The following SLC10A7 variants were observed in gnomAD, a reference collection of about 807,000 sequenced individuals.
SLC10A7 encodes solute carrier family 10 member 7.
A neutral mutation model predicts 43.2 loss-of-function variants in SLC10A7; 29 were observed. The observed-to-expected ratio is 0.67, with a 90% confidence interval of 0.50 to 0.92. The LOEUF is 0.92. SLC10A7 is among the 40% of genes least tolerant of loss of function. The pLI, the probability that SLC10A7 is intolerant of heterozygous loss-of-function variation, is 0.00. For synonymous variants in SLC10A7, 152 were observed against 144.8 expected, an observed-to-expected ratio of 1.05 and a Z score of -0.35; for missense variants, 295 against 403.2, an observed-to-expected ratio of 0.73 and a Z score of 2.30.
intron 1 of SLC10A7, 119 bp from the exon 2 acceptor site, chr4:146,517,239 G>A (rs751140151): frequency 1.6e-4 from 105 of 646,696 alleles, no homozygotes; most frequent in Non-Finnish European, 2.4e-4. Context: ...GAGGCGAGTA[G>A]AGCACTTGAG....
At chr4:146,303,389 T>A (rs1731292178) in intron 7 of SLC10A7, among the ~76,000 whole-genome samples, 1 of 151,382 alleles carries the variant, frequency 6.6e-6, no homozygotes, top group Non-Finnish European at 1.5e-5. Context: ...TTTTTTTTTT[T>A]TTGAGACATA....
At chr4:146,275,629 T>C (rs1471707360) in intron 10 of SLC10A7, among the ~76,000 whole-genome samples, 1 of 152,134 alleles carries the variant, frequency 6.6e-6, no homozygotes, top group Non-Finnish European at 1.5e-5. Context: ...ATGTATAAGT[T>C]CTGGATTCTT....
At chr4:146,355,927 AT>A (rs965597663) in intron 5 of SLC10A7, among the ~76,000 whole-genome samples, 1 of 150,358 alleles carries the variant, frequency 6.7e-6, no homozygotes, top group African/African-American at 2.4e-5. Flanking sequence ...ACTGGGAGAC[AT>A]ACCTAATGCT....
chr4:146,388,998 C>T (rs1055398348), intron 5 of SLC10A7, among the ~76,000 whole-genome samples: 1 of 152,094 alleles, frequency 6.6e-6, no homozygotes, highest in African/African-American at 2.4e-5. Context: ...AGCCAACAAA[C>T]GGTTACTATT....
chr4:146,270,725 T>C (rs894539461), intron 10 of SLC10A7, among the ~76,000 whole-genome samples: 2 of 152,208 alleles, frequency 1.3e-5, no homozygotes, highest in Non-Finnish European at 2.9e-5. Context: ...CTGCTATCTA[T>C]GTGAACTGGG....
In SLC10A7 at chr4:146,370,772, C is replaced by T. The variant is rs369212234; in HGVS notation, c.436-44776G>A. 2.3e-4 allele frequency among the ~76,000 whole-genome samples: 35 copies of T among 152,078 alleles called. No homozygotes were observed. The South Asian group carries it at 2.9e-3, about 13-fold the overall frequency. On this transcript the variant is annotated intron_variant, in intron 5 of 11. Coordinates refer to ENST00000335472, the MANE Select transcript of SLC10A7 (RefSeq NM_001029998.6). ...TCTTTGTCTCTCTTATTTACGTTTC[C>T]GAAATGTCTACTCCAAAAAGAGAAA... is the stretch of plus-strand genomic sequence containing the variant.
chr4:146,338,031 A>C (rs1734008228), intron 5 of SLC10A7, among the ~76,000 whole-genome samples: 1 of 152,014 alleles, frequency 6.6e-6, no homozygotes, highest in African/African-American at 2.4e-5. Context: ...GGTTTAAAAG[A>C]TTTAATGTGT....
intron 10 of SLC10A7, among the ~76,000 whole-genome samples, chr4:146,273,268 G>A (rs1729002749): frequency 6.6e-6 from 1 of 152,094 alleles, no homozygotes; most frequent in African/African-American, 2.4e-5. Context: ...ACACATGCAA[G>A]CACTTGGCCC....
At chr4:146,494,264 A>C (rs977827536) in intron 4 of SLC10A7, among the ~76,000 whole-genome samples, 7 of 152,222 alleles carry the variant, frequency 4.6e-5, no homozygotes, top group African/African-American at 1.7e-4. Context: ...TAACGGTAAA[A>C]GCAGGAATTA....
chr4:146,256,331 T>C lies in SLC10A7; in HGVS notation c.*160A>G, dbSNP rs1055991084. ...AAAGCATATTTTGGAAATAACGCTC[T>C]TGTCAAATACATTTTAAGGCACTTA... On this transcript the variant is annotated 3_prime_UTR_variant, in exon 12 of 12. Coordinates refer to ENST00000335472, the MANE Select transcript of SLC10A7 (RefSeq NM_001029998.6). The C allele has an allele frequency of 3.0e-6, 2 of 665,016 alleles. No homozygotes were observed. Among genetic ancestry groups the C allele is most frequent in the Non-Finnish European group, 5.2e-6 (2 of 387,992 alleles). The allele number at this position is 665,016 out of a possible 1,614,324, so 41.2% of individuals were successfully genotyped here.
intron 5 of SLC10A7, among the ~76,000 whole-genome samples, chr4:146,431,211 A>C (rs369462705): frequency 1.3e-4 from 20 of 152,264 alleles, no homozygotes; most frequent in Admixed American, 8.5e-4. Flanking sequence ...ATGAATACTG[A>C]TCCAATTATT....
intron 10 of SLC10A7, among the ~76,000 whole-genome samples, chr4:146,282,042 T>C (rs1331849985): frequency 6.6e-6 from 1 of 152,178 alleles, no homozygotes; most frequent in East Asian, 1.9e-4. Flanking sequence ...CTTCTACAGA[T>C]GAAAAGGTTA....
intron 11 of SLC10A7, among the ~76,000 whole-genome samples, chr4:146,257,303 C>A (rs1397260411): frequency 6.6e-6 from 1 of 152,192 alleles, no homozygotes; most frequent in Non-Finnish European, 1.5e-5. Flanking sequence ...TGGTACCCAG[C>A]ATAGAAGAGG....
Position 146,503,820 on chromosome 4 carries a change from T to C in SLC10A7, c.396+29A>G, listed in dbSNP as rs371602711. On this transcript the variant is annotated intron_variant, in intron 4 of 11. Transcript: ENST00000335472. ...GAAATAAAAGCACAGCATGCACTTA[T>C]GTTTAAATAAGGTAGCCCCATGACT... 8.8e-6 allele frequency: 14 copies of C among 1,598,756 alleles called. No individual in the cohort carries two copies. In the African/African-American group the frequency reaches 1.5e-4, roughly 17 times the overall value.
chr4:146,519,994 G>T (rs1738467770), intron 1 of SLC10A7, among the ~76,000 whole-genome samples: 1 of 152,278 alleles, frequency 6.6e-6, no homozygotes, highest in East Asian at 1.9e-4. Flanking sequence ...TAAGTTTGCA[G>T]AATCTATCTC....
At chr4:146,299,619 G>A (rs1441573760) in intron 7 of SLC10A7, among the ~76,000 whole-genome samples, 1 of 152,178 alleles carries the variant, frequency 6.6e-6, no homozygotes, top group Non-Finnish European at 1.5e-5. Context: ...TTGAGAAACA[G>A]AAGCAAAGTC....
intron 6 of SLC10A7, among the ~76,000 whole-genome samples, chr4:146,320,523 C>A (rs528582419): frequency 1.3e-5 from 2 of 151,980 alleles, no homozygotes; most frequent in South Asian, 4.2e-4. Flanking sequence ...TCAGAGAGGA[C>A]ATTTGAAAAT....
intron 1 of SLC10A7, among the ~76,000 whole-genome samples, chr4:146,519,094 T>A (rs1468366973): frequency 1.3e-5 from 1 of 76,840 alleles, no homozygotes; most frequent in African/African-American, 5.3e-5. Context: ...TATATATATA[T>A]ATATATATAT....
rs753823449 is a variant in SLC10A7, at chr4:146,293,913, C to G, written c.721+17G>C. The G allele has an allele frequency of 8.1e-6, 13 of 1,595,658 alleles. No individual in the cohort carries two copies. The highest frequency in any genetic ancestry group is 1.3e-5 in the African/African-American group (1 of 74,794). On this transcript the variant is annotated intron_variant, in intron 8 of 11. Coordinates refer to ENST00000335472, the MANE Select transcript of SLC10A7 (RefSeq NM_001029998.6). ...GGACACTGAGGGATAGCCAGGCTATCCCATTTTCCAACTTACTTATGAACA... is the reference window on the plus strand; with the variant it reads ...GGACACTGAGGGATAGCCAGGCTATGCCATTTTCCAACTTACTTATGAACA...
Sources: allele counts gnomAD v4.1 joint callset (sites outside exome capture counted in the v4.1 genomes callset), GRCh38; gene constraint gnomAD v4.1.1; transcripts MANE v1.5; gene names NCBI Gene and HGNC (gene_info 2026-07-23, HGNC 2026-07-21).